HOMER2: variants seen among roughly 807,000 people sequenced by gnomAD.
The protein encoded by HOMER2 is homer protein homolog 2.
Under a neutral mutation model 47.0 loss-of-function variants are expected in HOMER2, and 27 were observed. That is an observed-to-expected ratio of 0.57 (90% CI 0.42 to 0.79). The LOEUF (loss-of-function observed/expected upper bound fraction) is 0.79, where lower values mean the gene tolerates loss of function less well. Ranked by LOEUF, HOMER2 falls within the 30% of genes least tolerant of loss-of-function variation. HOMER2 has a pLI of 0.00. For missense variants in HOMER2, 443 were observed against 435.0 expected, an observed-to-expected ratio of 1.02 and a Z score of -0.16; for synonymous variants, 161 against 163.8, an observed-to-expected ratio of 0.98 and a Z score of 0.13.
chr15:82,929,559 G>A (rs1259816812), intron 1 of HOMER2, among the ~76,000 whole-genome samples: 2 of 150,628 alleles, frequency 1.3e-5, no homozygotes, highest in Non-Finnish European at 3.0e-5. Context: ...GGGAGGCTGA[G>A]GCAAGAGAAT....
At chr15:82,976,644 A>G (rs2030212027) in intron 1 of HOMER2, among the ~76,000 whole-genome samples, 1 of 149,326 alleles carries the variant, frequency 6.7e-6, no homozygotes, top group South Asian at 2.1e-4. Flanking sequence ...TTGACTCTAC[A>G]ATTAGTACGA....
chr15:82,905,055 T>C (rs934098826), intron 1 of HOMER2, among the ~76,000 whole-genome samples: 1 of 151,960 alleles, frequency 6.6e-6, no homozygotes, highest in African/African-American at 2.4e-5. Flanking sequence ...AACAGATGGA[T>C]AATGTAAGGA....
At chr15:82,942,948 G>A (rs1265876877) in intron 1 of HOMER2, among the ~76,000 whole-genome samples, 2 of 152,134 alleles carry the variant, frequency 1.3e-5, no homozygotes, top group Non-Finnish European at 2.9e-5. Context: ...AGAGTGACTG[G>A]GTCGTCTGGA....
In HOMER2 at chr15:82,879,983, TA is replaced by T. The variant is rs148841433; in HGVS notation, c.163-4580del. On this transcript the variant is annotated intron_variant, in intron 2 of 8. Coordinates refer to ENST00000450735, the MANE Select transcript of HOMER2 (RefSeq NM_004839.4). ...TGGATGAATCACAAAAATTTAACAT[TA>T]AAAAAAAAGAAGGAAGTTACAAAAG... Among the ~76,000 whole-genome samples the T allele has an allele frequency of 8.0e-5, 12 of 150,626 alleles. No individual in the cohort carries two copies. In the East Asian group the frequency reaches 9.7e-4, roughly 12 times the overall value.
At chr15:82,964,626 C>T (rs979408789) in intron 1 of HOMER2, among the ~76,000 whole-genome samples, 2 of 152,076 alleles carry the variant, frequency 1.3e-5, no homozygotes, top group African/African-American at 2.4e-5. Context: ...ATTAACCGGG[C>T]GCAGTGGTTT....
chr15:82,928,398 T>C (rs540908354), intron 1 of HOMER2, among the ~76,000 whole-genome samples: 15 of 152,346 alleles, frequency 9.8e-5, no homozygotes, highest in African/African-American at 3.1e-4. Flanking sequence ...GGACTTTACC[T>C]GTTACCAAGA....
intron 1 of HOMER2, chr15:82,925,975 A>G (rs915552276): frequency 1.3e-5 from 2 of 152,016 alleles, no homozygotes; most frequent in African/African-American, 4.8e-5. Context: ...TGTGATTTCA[A>G]TACACACATA....
chr15:82,904,598 CTGGGGT>C (rs2053233297), intron 1 of HOMER2, among the ~76,000 whole-genome samples: 1 of 152,158 alleles, frequency 6.6e-6, no homozygotes, highest in Admixed American at 6.5e-5. Flanking sequence ...GCCCAATCAG[CTGGGGT>C]ACTATCAGCA....
intron 1 of HOMER2, among the ~76,000 whole-genome samples, chr15:82,981,780 G>C (rs1418904679): frequency 6.6e-6 from 1 of 152,158 alleles, no homozygotes; most frequent in Non-Finnish European, 1.5e-5. Context: ...TATTTCACTT[G>C]CATGAGGTAC....
At chr15:82,944,631 A>G (rs1030414991) in intron 1 of HOMER2, among the ~76,000 whole-genome samples, 1 of 152,208 alleles carries the variant, frequency 6.6e-6, no homozygotes, top group Non-Finnish European at 1.5e-5. Flanking sequence ...TCAAATGGAA[A>G]AGGGGTCCCT....
intron 1 of HOMER2, among the ~76,000 whole-genome samples, chr15:82,946,471 C>T (rs1305621056): frequency 2.0e-5 from 3 of 152,194 alleles, no homozygotes; most frequent in Admixed American, 1.3e-4. Flanking sequence ...GCCAGGCATG[C>T]CCCTGCCTCA....
chr15:82,920,105 GC>G (rs1343644283), intron 1 of HOMER2, among the ~76,000 whole-genome samples: 1 of 152,122 alleles, frequency 6.6e-6, no homozygotes, highest in African/African-American at 2.4e-5. Context: ...TGCTTCTGAG[GC>G]CCATTCATAG....
At chr15:82,854,567 A>C in intron 6 of HOMER2, 77 bp downstream of exon 6, 1 of 1,465,174 alleles carries the variant, frequency 6.8e-7, no homozygotes. Context: ...GGGAGGGAGA[A>C]AAAGGGTTGT....
intron 5 of HOMER2, among the ~76,000 whole-genome samples, chr15:82,855,894 A>G (rs1213139064): frequency 6.6e-6 from 1 of 152,160 alleles, no homozygotes; most frequent in Non-Finnish European, 1.5e-5. Context: ...CCTTGCTAGG[A>G]GCCCACACAT....
exon 2 of HOMER2, chr15:82,837,193 C>G (rs1427031990): frequency 1.3e-5 from 2 of 152,218 alleles, no homozygotes; most frequent in African/African-American, 2.4e-5. Flanking sequence ...TCTTTCTGAC[C>G]CAAGGAAAGG....
rs1417156632 is a variant in HOMER2 at position 82,841,536 on chromosome 15, AT to A, written c.*5737del. ...CACTCTTCTAAGTAAAAAAAATTTG[AT>A]ATATATATATCAAATAATGTACAAT... On this transcript the variant is annotated 3_prime_UTR_variant, in exon 2 of 2. Coordinates refer to the HOMER2 transcript ENST00000558090. The A allele has an allele frequency of 6.5e-3, 36 of 5,576 alleles. No homozygotes were observed. The East Asian group carries it at 0.17, about 27-fold the overall frequency. The allele number at this position is 5,576 out of a possible 1,614,324, so 0.3% of individuals were successfully genotyped here.
chr15:82,930,178 T>C (rs2053971344), intron 1 of HOMER2, among the ~76,000 whole-genome samples: 1 of 152,228 alleles, frequency 6.6e-6, no homozygotes, highest in Non-Finnish European at 1.5e-5. Flanking sequence ...ACCACACACA[T>C]AACCACCAAC....
upstream of HOMER2, among the ~76,000 whole-genome samples, chr15:82,957,322 G>A (rs1245160028): frequency 6.6e-6 from 1 of 151,390 alleles, no homozygotes; most frequent in Non-Finnish European, 1.5e-5. Context: ...TATCTGTAAA[G>A]TGCTTAGCTC....
At chr15:82,920,593 A>G (rs2053702914) in intron 1 of HOMER2, among the ~76,000 whole-genome samples, 1 of 152,082 alleles carries the variant, frequency 6.6e-6, no homozygotes, top group South Asian at 2.1e-4. Context: ...GCATCTTCAA[A>G]GCTCTCTGCA....
Sources: gnomAD v4.1 joint callset for allele counts (sites outside exome capture counted in the v4.1 genomes callset) on GRCh38, gnomAD v4.1.1 for gene constraint, MANE v1.5 for transcripts, NCBI Gene and HGNC (gene_info 2026-07-23, HGNC 2026-07-21) for gene names.